Variants in TLE4 observed in about 807,000 individuals in gnomAD.
TLE4 encodes the protein TLE family member 4, transcriptional corepressor.
A neutral mutation model predicts 92.8 loss-of-function variants in TLE4; 8 were observed. The observed-to-expected ratio is 0.09, with a 90% CI of 0.05 to 0.16. The LOEUF (loss-of-function observed/expected upper bound fraction) is 0.16. TLE4 is among the 10% of genes least tolerant of loss of function. The pLI, the probability that TLE4 is intolerant of heterozygous loss-of-function variation, is 1.00. For synonymous variants in TLE4, 371 were observed against 374.1 expected (o/e 0.99, Z 0.10); for missense variants, 675 against 997.6 (o/e 0.68, Z 4.36).
intron 8 of TLE4, among the ~76,000 whole-genome samples, chr9:79,702,749 G>A (rs562756106): frequency 6.6e-6 from 1 of 152,178 alleles, no homozygotes; most frequent in Non-Finnish European, 1.5e-5. Flanking sequence ...AGCCCGCCCA[G>A]TGGGCACCCA....
intron 8 of TLE4, among the ~76,000 whole-genome samples, chr9:79,664,356 G>GAA (rs2061038838): frequency 6.6e-6 from 1 of 152,186 alleles, no homozygotes; most frequent in Admixed American, 6.5e-5. Context: ...AGAGAAAATT[G>GAA]AAATAATCAC....
intron 10 of TLE4, 67 bp downstream of exon 10, chr9:79,706,009 A>G (rs2071458362): frequency 6.5e-6 from 9 of 1,387,558 alleles, no homozygotes; most frequent in Non-Finnish European, 9.2e-6. Flanking sequence ...TGCCCAAACA[A>G]TTAGTATCCA....
chr9:79,592,237 CTTCTGCTTCTTCTTCT>C (rs2042845772), intron 4 of TLE4, among the ~76,000 whole-genome samples: 1 of 132,608 alleles, frequency 7.5e-6, no homozygotes, highest in African/African-American at 2.7e-5. Context: ...CTTCTTCTTC[CTTCTGCTTCTTCTTCT>C]TTCTTCTTTC....
intron 8 of TLE4, among the ~76,000 whole-genome samples, chr9:79,680,726 C>T (rs2135255546): frequency 6.6e-6 from 1 of 152,224 alleles, no homozygotes; most frequent in South Asian, 2.1e-4. Context: ...GGAATGCTTC[C>T]AGTTTTTGTC....
chr9:79,677,969 T>C (rs2063598645), intron 8 of TLE4, among the ~76,000 whole-genome samples: 1 of 152,164 alleles, frequency 6.6e-6, no homozygotes, highest in African/African-American at 2.4e-5. Context: ...AATGCTTCTT[T>C]ATGTATAAAG....
intron 8 of TLE4, among the ~76,000 whole-genome samples, chr9:79,701,346 C>T (rs1047104958): frequency 5.3e-5 from 8 of 152,080 alleles, no homozygotes; most frequent in African/African-American, 9.7e-5. Context: ...CCTGCAAAAC[C>T]GGAAACAGCT....
rs757102907 is a variant in TLE4, at chr9:79,574,880, C to G, written c.151C>G (p.Leu51Val). Residue 51 changes from leucine to valine, a missense_variant, in exon 3 of 20, where the codon CTG becomes GTG. Physicochemically the swap from Leu to Val is conservative, Grantham distance 32 (BLOSUM62 1). This residue lies in a region of TLE4 where 68 missense variants were observed against 141.2 expected (regional missense o/e 0.48). Transcript: ENST00000376552. ...ATCTTATGTCTTGAACAGTCTGAAGCTGGAATGTGAGAAACTCGCCAGTGA... is the reference window on the plus strand; with the variant it reads ...ATCTTATGTCTTGAACAGTCTGAAGGTGGAATGTGAGAAACTCGCCAGTGA... ...FLQAQYHSLKLECEKLASEKT... is the reference protein window; with the variant it reads ...FLQAQYHSLKVECEKLASEKT... The G allele has an allele frequency of 1.2e-6, 2 of 1,613,106 alleles. No homozygotes were observed. The highest frequency in any genetic ancestry group is 1.7e-6 in the Non-Finnish European group (2 of 1,179,392).
intron 5 of TLE4, among the ~76,000 whole-genome samples, chr9:79,617,048 A>T (rs928051535): frequency 2.6e-5 from 4 of 152,176 alleles, no homozygotes; most frequent in African/African-American, 9.7e-5. Context: ...CTTCCAGGGA[A>T]ATAGATTCTA....
intron 8 of TLE4, among the ~76,000 whole-genome samples, chr9:79,677,882 A>G (rs758296299): frequency 6.6e-6 from 1 of 152,098 alleles, no homozygotes; most frequent in African/African-American, 2.4e-5. Context: ...TTATCAAACT[A>G]TGGAACTTTA....
rs1410321043 is a variant in TLE4, at chr9:79,725,988, A to T, written c.*844A>T. On this transcript the variant is annotated 3_prime_UTR_variant, in exon 20 of 20. Transcript: ENST00000376552. Reference sequence around the variant, plus strand: ...TTGCCACATTTCTTTGCAAAAGGAGATATATATATCTTTAGTCAGTTTTGT... The same window carrying T: ...TTGCCACATTTCTTTGCAAAAGGAGTTATATATATCTTTAGTCAGTTTTGT... 6.6e-6 allele frequency: 1 copy of T among 152,498 alleles called. No individual in the cohort carries two copies. The highest frequency in any genetic ancestry group is 2.4e-5 in the African/African-American group (1 of 41,398). 9.4% of individuals were successfully genotyped at this position (152,498 alleles called of 1,614,324 possible).
chr9:79,646,054 T>C (rs2058056926), intron 6 of TLE4, among the ~76,000 whole-genome samples: 1 of 152,026 alleles, frequency 6.6e-6, no homozygotes, highest in South Asian at 2.1e-4. Context: ...ATCTTTGTTT[T>C]GTTTTTCTTC....
chr9:79,635,297 T>C (rs2055438800), intron 6 of TLE4, among the ~76,000 whole-genome samples: 1 of 152,184 alleles, frequency 6.6e-6, no homozygotes, highest in South Asian at 2.1e-4. Context: ...CTCTTTTTTT[T>C]TCATCAGTCA....
intron 4 of TLE4, among the ~76,000 whole-genome samples, chr9:79,589,759 G>A (rs1298711148): frequency 6.6e-6 from 1 of 152,174 alleles, no homozygotes; most frequent in Non-Finnish European, 1.5e-5. Context: ...TTGGTACCAA[G>A]ATGTATATGA....
intron 2 of TLE4, 72 bp from the exon 3 acceptor site, chr9:79,574,801 A>G: frequency 7.8e-7 from 1 of 1,275,668 alleles, no homozygotes; most frequent in Non-Finnish European, 1.1e-6. Context: ...GGTGAGATTT[A>G]GAATATGCGT....
intron 5 of TLE4, 100 bp from the exon 6 acceptor site, chr9:79,627,274 G>A: frequency 8.2e-7 from 1 of 1,214,572 alleles, no homozygotes; most frequent in Non-Finnish European, 1.2e-6. Flanking sequence ...CCCAAATGCT[G>A]TTTTGCATGT....
At chr9:79,722,912 G>A in intron 18 of TLE4, 47 bp from the exon 19 acceptor site, 2 of 1,567,506 alleles carry the variant, frequency 1.3e-6, no homozygotes, top group Non-Finnish European at 1.8e-6. Flanking sequence ...CTTGGTGTCT[G>A]ACAGAGTAAC....
chr9:79,658,538 A>T (rs2060084017), intron 8 of TLE4, among the ~76,000 whole-genome samples: 2 of 152,158 alleles, frequency 1.3e-5, no homozygotes, highest in Non-Finnish European at 2.9e-5. Flanking sequence ...TTATGTTGAC[A>T]ATAAAGGTTT....
At chr9:79,592,165 T>TTCC (rs879293037) in intron 4 of TLE4, among the ~76,000 whole-genome samples, 223 of 140,806 alleles carry the variant, frequency 1.6e-3, no homozygotes, top group African/African-American at 4.1e-3. Context: ...CTTCTTCTTC[T>TTCC]TCTTCCTCTT....
At chr9:79,652,873 C>T (rs767281653) in intron 7 of TLE4, 79 bp downstream of exon 7, 1 of 1,440,604 alleles carries the variant, frequency 6.9e-7, no homozygotes, top group South Asian at 1.1e-5. Context: ...ATTGTTTATT[C>T]TCTCTGAATT....
Sources: gnomAD v4.1 joint callset for allele counts (sites outside exome capture counted in the v4.1 genomes callset) on GRCh38, gnomAD v4.1.1 for gene constraint, gnomAD v4.1.1 regional missense constraint, MANE v1.5 for transcripts, NCBI Gene and HGNC (gene_info 2026-07-23, HGNC 2026-07-21) for gene names.